Variants in AJUBA observed in about 807,000 individuals in gnomAD.
AJUBA encodes the protein LIM domain-containing protein ajuba.
In AJUBA, 20 loss-of-function variants were observed where a neutral mutation model predicts 53.3. The observed-to-expected ratio is 0.38, with a 90% CI of 0.26 to 0.55. The LOEUF is 0.55. AJUBA is among the 20% of genes least tolerant of loss of function. The pLI is 0.80. For synonymous variants in AJUBA, 296 were observed against 306.2 expected (o/e 0.97, Z 0.35); for missense variants, 580 against 730.5 (o/e 0.79, Z 2.38).
chr14:22,975,206 G>T, intron 4 of AJUBA, 102 bp from the exon 5 acceptor site: 2 of 1,455,962 alleles, frequency 1.4e-6, no homozygotes, highest in Non-Finnish European at 1.9e-6. Context: ...CCAACCCGCT[G>T]CTATACTCCC....
rs745667015 is a variant in AJUBA, at chr14:22,976,531, A to G, written c.1177-13T>C. The G allele has an allele frequency of 3.1e-6, 5 of 1,614,028 alleles. No individual in the cohort carries two copies. The highest frequency in any genetic ancestry group is 2.2e-5 in the South Asian group (2 of 91,072). On this transcript the variant is annotated splice_polypyrimidine_tract_variant and intron_variant, in intron 3 of 7. Coordinates refer to ENST00000262713, the MANE Select transcript of AJUBA (RefSeq NM_032876.6). ...GAAACCCTGAAAACTAAAGTAAAAGACAAGACGAACGGAGGCTGTTATCAA... is the reference window on the plus strand; with the variant it reads ...GAAACCCTGAAAACTAAAGTAAAAGGCAAGACGAACGGAGGCTGTTATCAA...
rs902876152 is a variant in AJUBA at position 22,972,133 on chromosome 14, A to AT, written c.*1309_*1310insA. On this transcript the variant is annotated 3_prime_UTR_variant, in exon 8 of 8. Transcript: ENST00000262713. ...AACTTTAAGCAAACAAGTTTTCAGT[A>AT]AATTGGTTTTAAGAGATCTAGCTTT... The AT allele has an allele frequency of 6.6e-6, 1 of 152,578 alleles. No individual in the cohort carries two copies. The highest frequency in any genetic ancestry group is 2.4e-5 in the African/African-American group (1 of 41,468). The allele number at this position is 152,578 out of a possible 1,614,324, so 9.5% of individuals were successfully genotyped here.
At chr14:22,974,752 C>G in intron 6 of AJUBA, 87 bp downstream of exon 6, 1 of 1,449,406 alleles carries the variant, frequency 6.9e-7, no homozygotes, top group East Asian at 2.3e-5. Context: ...ACTACCACTT[C>G]TGGCAGGAGG....
At chr14:22,980,534 G>A in intron 1 of AJUBA, 1 of 953,110 alleles carries the variant, frequency 1.0e-6, no homozygotes, top group Non-Finnish European at 1.2e-6. Context: ...CTTTTACCCT[G>A]ACTTCCGGAG....
rs1462484850 is a variant in AJUBA, at chr14:22,982,023, C to T, written c.244G>A (p.Ala82Thr). Residue 82 changes from alanine (A) to threonine (T), a missense_variant, in exon 1 of 8, where the codon GCG (alanine) becomes ACG (threonine). This residue lies in a region of AJUBA where 430 missense variants were observed against 471.5 expected (regional missense o/e 0.91). Transcript: ENST00000262713. Reference protein sequence around the residue: ...AERNQRGSFEAPRYEGSFPAG... With the variant: ...AERNQRGSFETPRYEGSFPAG... ...GGAAAAGAGCCTTCGTAGCGCGGCG[C>T]CTCAAAGGAGCCGCGCTGATTTCGC... 2 of 1,590,652 alleles carry T rather than the reference C, an allele frequency of 1.3e-6. No individual in the cohort carries two copies. Among genetic ancestry groups the T allele is most frequent in the Non-Finnish European group, 1.7e-6 (2 of 1,172,892 alleles).
In AJUBA at chr14:22,976,626, C is replaced by G; in HGVS notation, c.1176+19G>C. ...GTCAGTATGGAAACCAATTCCAGGT[C>G]CAGGTGACCCTTACTCACCAGATAA... On this transcript the variant is annotated intron_variant, in intron 3 of 7. Transcript: ENST00000262713. The G allele has an allele frequency of 1.2e-6, 2 of 1,613,244 alleles. No individual in the cohort carries two copies. The highest frequency in any genetic ancestry group is 1.7e-6 in the Non-Finnish European group (2 of 1,179,336).
rs1414036471 is a variant in AJUBA at position 22,971,454 on chromosome 14, C to T, written c.*1989G>A. The T allele has an allele frequency of 6.6e-6, 1 of 152,168 alleles. No individual in the cohort carries two copies. Among genetic ancestry groups the T allele is most frequent in the Non-Finnish European group, 1.5e-5 (1 of 68,032 alleles). The allele number at this position is 152,168 out of a possible 1,614,324, so 9.4% of individuals were successfully genotyped here. A position where few individuals can be genotyped will look rare whatever the true frequency, so the allele number is the denominator to read the frequency against. On this transcript the variant is annotated 3_prime_UTR_variant, in exon 8 of 8. Coordinates refer to ENST00000262713, the MANE Select transcript of AJUBA (RefSeq NM_032876.6). The stretch of plus-strand genomic sequence containing the variant: ...AGGAGTCATCATTTCCAGTAAGAAA[C>T]TCACTGAGTGACAGAAAATGAAGAC...
At chr14:22,981,109 T>A in intron 1 of AJUBA, 152 bp downstream of exon 1, 1 of 975,852 alleles carries the variant, frequency 1.0e-6, no homozygotes, top group Non-Finnish European at 1.5e-6. Context: ...GACAGTGCTC[T>A]GGGGCCGCCC....
At chr14:22,973,763 T>G (rs142948256) in intron 7 of AJUBA, among the ~76,000 whole-genome samples, 195 bp from the exon 8 acceptor site, 180 of 152,228 alleles carry the variant, frequency 1.2e-3, no homozygotes, top group African/African-American at 4.2e-3. Flanking sequence ...GTGTCACTGC[T>G]GCAGCAGAAA....
At chr14:22,973,983 A>G in intron 7 of AJUBA, 64 bp downstream of exon 7, 4 of 1,583,246 alleles carry the variant, frequency 2.5e-6, no homozygotes, top group Non-Finnish European at 2.6e-6. Flanking sequence ...TTGTTGCAGG[A>G]CTTGACTCCT....
intron 6 of AJUBA, 166 bp downstream of exon 6, chr14:22,974,673 A>G (rs941720): frequency 1 from 728,436 of 732,064 alleles, 362,421 homozygotes; most frequent in East Asian, 1. Context: ...AGGCCCGGAT[A>G]TTAGGGTCAG....
In AJUBA at chr14:22,982,293, C is replaced by A; in HGVS notation, c.-27G>T. The A allele has an allele frequency of 6.2e-7, 1 of 1,606,648 alleles. No individual in the cohort carries two copies. The highest frequency in any genetic ancestry group is 8.5e-7 in the Non-Finnish European group (1 of 1,177,754). On this transcript the variant is annotated 5_prime_UTR_variant, in exon 1 of 8. Transcript: ENST00000262713. Reference sequence around the variant, plus strand: ...CCCTCGGGCCTGGGGCCTCTCGCCCCCTCCCCGCCTGGCACCCTGCGGCGT... The same window carrying A: ...CCCTCGGGCCTGGGGCCTCTCGCCCACTCCCCGCCTGGCACCCTGCGGCGT...
chr14:22,975,237 CG>C (rs2045024156), intron 4 of AJUBA, 133 bp from the exon 5 acceptor site: 2 of 1,290,830 alleles, frequency 1.5e-6, no homozygotes, highest in East Asian at 4.9e-5. Context: ...TATGTAATGT[CG>C]GTGAAGAAGT....
chr14:22,973,616 CTG>C (rs1339324889), intron 7 of AJUBA, 48 bp from the exon 8 acceptor site: 1 of 1,608,084 alleles, frequency 6.2e-7, no homozygotes, highest in Non-Finnish European at 8.5e-7. Context: ...ACCTTGGACA[CTG>C]AGGGTATCTT....
In AJUBA at chr14:22,980,375, A is replaced by T. The variant is rs2045075606; in HGVS notation, c.1006+886T>A. Among the ~76,000 whole-genome samples the T allele has an allele frequency of 2.0e-5, 3 of 152,150 alleles. No homozygotes were observed. The South Asian group carries it at 6.2e-4, about 32-fold the overall frequency. On this transcript the variant is annotated intron_variant, in intron 1 of 7. Transcript: ENST00000262713. The stretch of plus-strand genomic sequence containing the variant: ...AACAGAGTAGGGGAGGGAGACAGCG[A>T]CCAGGTTTCCTTAACAGTGTCAGGA...
At position 22,973,389 on chromosome 14, in the gene AJUBA, C is replaced by T. The variant is rs2045002731; in HGVS notation, c.*54G>A. 1.9e-6 allele frequency: 3 copies of T among 1,565,722 alleles called. No homozygotes were observed. Among genetic ancestry groups the T allele is most frequent in the South Asian group, 2.3e-5 (2 of 85,490 alleles). On this transcript the variant is annotated 3_prime_UTR_variant, in exon 8 of 8. Coordinates refer to ENST00000262713, the MANE Select transcript of AJUBA (RefSeq NM_032876.6). ...TTGCCTTGGCTGGCCTCAGAGGGGCCCACTGGCCACAGCAGTTTGTCTGCA... is the reference window on the plus strand; with the variant it reads ...TTGCCTTGGCTGGCCTCAGAGGGGCTCACTGGCCACAGCAGTTTGTCTGCA...
At chr14:22,973,694 AGGATGGAAG>A (rs969842871) in intron 7 of AJUBA, 126 bp from the exon 8 acceptor site, 4 of 1,324,712 alleles carry the variant, frequency 3.0e-6, no homozygotes, top group Non-Finnish European at 4.1e-6. Context: ...TGGGAAGGGA[AGGATGGAAG>A]GGATGGAAGA....
rs143752377 is a variant in AJUBA at position 22,979,443 on chromosome 14, G to A, written c.1007-998C>T. ...TGCAGCAACTGATGGGCCCAGGCCT[G>A]TCCTGCTCCCACCCTCTGGCAGCTG... is the stretch of plus-strand genomic sequence containing the variant. On this transcript the variant is annotated intron_variant, in intron 1 of 7. Transcript: ENST00000262713. This position sits in a 1 kb window ranked among gnomAD's most constrained non-coding sequence, Gnocchi z 4.0. 1.3e-5 allele frequency among the ~76,000 whole-genome samples: 2 copies of A among 152,372 alleles called. No homozygotes were observed. Among genetic ancestry groups the A allele is most frequent in the East Asian group, 3.9e-4 (2 of 5,184 alleles).
At chr14:22,975,390 C>A in intron 4 of AJUBA, 1 of 361,236 alleles carries the variant, frequency 2.8e-6, no homozygotes, top group Non-Finnish European at 5.0e-6. Context: ...CCTATTATCA[C>A]AATCTGTGGT....
Sources: allele counts gnomAD v4.1 joint callset (sites outside exome capture counted in the v4.1 genomes callset), GRCh38; gene constraint gnomAD v4.1.1; regional missense constraint gnomAD v4.1.1; non-coding constraint Gnocchi (gnomAD v3.1); transcripts MANE v1.5; gene names NCBI Gene and HGNC (gene_info 2026-07-23, HGNC 2026-07-21).